Variants in TMTC2 observed in about 807,000 individuals in gnomAD.
TMTC2 encodes protein O-mannosyl-transferase TMTC2.
In TMTC2, 43 loss-of-function variants were observed where a neutral mutation model predicts 82.4. The ratio of observed to expected loss-of-function variants is 0.52; its 90% CI spans 0.41 to 0.67. The LOEUF is 0.67. Ranked by LOEUF, TMTC2 falls within the 30% of genes least tolerant of loss-of-function variation. TMTC2 has a pLI of 0.00. For missense variants in TMTC2, 919 were observed against 1,012.4 expected (o/e 0.91, Z 1.25); for synonymous variants, 408 against 381.9 (o/e 1.07, Z -0.80).
chr12:82,797,690 AT>A (rs1285975090), intron 1 of TMTC2, among the ~76,000 whole-genome samples: 1 of 152,224 alleles, frequency 6.6e-6, no homozygotes, highest in African/African-American at 2.4e-5. Context: ...CAAGCTTTGA[AT>A]TATCTGACAG....
At chr12:82,908,708 A>T (rs1592618960) in intron 3 of TMTC2, among the ~76,000 whole-genome samples, 1 of 152,110 alleles carries the variant, frequency 6.6e-6, no homozygotes, top group Non-Finnish European at 1.5e-5. Context: ...TCCCTCAAAG[A>T]TTTTATGTAA....
intron 2 of TMTC2, among the ~76,000 whole-genome samples, chr12:82,872,038 A>G (rs888698575): frequency 1.1e-5 from 1 of 89,408 alleles, no homozygotes; most frequent in African/African-American, 4.6e-5. Flanking sequence ...GCAGTTGCCT[A>G]GTATGCAGTA....
At chr12:82,879,967 G>T (rs1159558551) in intron 2 of TMTC2, among the ~76,000 whole-genome samples, 1 of 152,248 alleles carries the variant, frequency 6.6e-6, no homozygotes, top group Admixed American at 6.5e-5. Flanking sequence ...TGATGTAACA[G>T]GTGTTTAAAT....
chr12:82,794,362 GAAAAAAAGGGCC>G (rs1878616401), intron 1 of TMTC2, among the ~76,000 whole-genome samples: 1 of 151,936 alleles, frequency 6.6e-6, no homozygotes, highest in African/African-American at 2.4e-5. Flanking sequence ...AACTCACACA[GAAAAAAAGGGCC>G]TGTGTTGGGG....
At chr12:83,045,993 C>G (rs1245642490) in intron 9 of TMTC2, among the ~76,000 whole-genome samples, 2 of 152,144 alleles carry the variant, frequency 1.3e-5, no homozygotes, top group South Asian at 4.1e-4. Context: ...AAGCCTCACA[C>G]TTGCCTTTCA....
intron 9 of TMTC2, among the ~76,000 whole-genome samples, chr12:83,038,277 T>A (rs1042389945): frequency 5.3e-5 from 8 of 151,868 alleles, no homozygotes; most frequent in Non-Finnish European, 8.8e-5. Flanking sequence ...CCCTAAAACT[T>A]AAAGTATAAT....
chr12:82,854,619 C>A (rs1048609802), intron 1 of TMTC2, among the ~76,000 whole-genome samples: 2 of 151,964 alleles, frequency 1.3e-5, no homozygotes, highest in Non-Finnish European at 2.9e-5. Flanking sequence ...ACCACATGCC[C>A]AACTAAAAAT....
rs1878973815 is a variant in TMTC2 at position 82,982,628 on chromosome 12, T to G, written c.1949-3297T>G. Among the ~76,000 whole-genome samples the G allele has an allele frequency of 3.3e-5, 5 of 151,922 alleles. No homozygotes were observed. The South Asian group carries it at 1.0e-3, about 31-fold the overall frequency. ...GCAGTTTTAAAGGTCAGTCATAGAT[T>G]ACCATTGCTCTTCCTTATTCTCTTA... is the stretch of plus-strand genomic sequence containing the variant. On this transcript the variant is annotated intron_variant, in intron 7 of 11. Transcript: ENST00000321196.
At chr12:82,727,718 C>CAAAA (rs770172730) in intron 1 of TMTC2, among the ~76,000 whole-genome samples, 9 of 136,322 alleles carry the variant, frequency 6.6e-5, no homozygotes, top group South Asian at 2.4e-4. Context: ...GAGAGTGTCT[C>CAAAA]AAAAAAAAAA....
At chr12:83,026,212 A>G (rs12319533) in intron 8 of TMTC2, among the ~76,000 whole-genome samples, 16,412 of 152,116 alleles carry the variant, frequency 0.11, 1,432 homozygotes, top group East Asian at 0.29. Context: ...GCAATTTCAA[A>G]GAATTAGAAG....
chr12:82,742,198 G>T (rs911977567), intron 1 of TMTC2, among the ~76,000 whole-genome samples: 1 of 152,012 alleles, frequency 6.6e-6, no homozygotes, highest in Non-Finnish European at 1.5e-5. Flanking sequence ...ACCCTCCTGT[G>T]TCTGCATCCT....
chr12:82,853,166 G>A (rs538149961), intron 1 of TMTC2, among the ~76,000 whole-genome samples: 4 of 151,858 alleles, frequency 2.6e-5, no homozygotes, highest in East Asian at 1.9e-4. Flanking sequence ...GCAGTGGCGC[G>A]ATCTCGGCTC....
chr12:82,855,312 G>C (rs1244003538), intron 1 of TMTC2, among the ~76,000 whole-genome samples: 1 of 152,178 alleles, frequency 6.6e-6, no homozygotes, highest in African/African-American at 2.4e-5. Flanking sequence ...GAATGAAAGA[G>C]TTAGGACTCA....
intron 1 of TMTC2, among the ~76,000 whole-genome samples, chr12:82,727,209 T>C (rs777773395): frequency 5.2e-4 from 79 of 152,200 alleles, no homozygotes; most frequent in Admixed American, 1.3e-3. Context: ...CACCTCAGTA[T>C]AGAATCAGTC....
chr12:82,927,787 C>T (rs1875810010), intron 3 of TMTC2, among the ~76,000 whole-genome samples: 1 of 152,208 alleles, frequency 6.6e-6, no homozygotes, highest in Non-Finnish European at 1.5e-5. Context: ...GATTAAGACT[C>T]ACCAAGGGCT....
chr12:82,844,243 T>G (rs151309956), intron 1 of TMTC2, among the ~76,000 whole-genome samples: 2 of 152,178 alleles, frequency 1.3e-5, no homozygotes, highest in African/African-American at 4.8e-5. Context: ...TGAATTTTTT[T>G]AAAGTAATAC....
chr12:82,766,097 T>A (rs938445730), intron 1 of TMTC2, among the ~76,000 whole-genome samples: 4 of 152,166 alleles, frequency 2.6e-5, no homozygotes, highest in Middle Eastern at 3.2e-3. Context: ...CTGCTTTGGA[T>A]CCTAAAGGCT....
chr12:82,711,783 TAG>T (rs1347890899), intron 1 of TMTC2, among the ~76,000 whole-genome samples: 2 of 152,240 alleles, frequency 1.3e-5, no homozygotes, highest in African/African-American at 4.8e-5. Context: ...GCCTTCACTT[TAG>T]AGCTAGAATC....
intron 9 of TMTC2, among the ~76,000 whole-genome samples, chr12:83,033,475 G>A (rs4882539): frequency 0.55 from 83,112 of 152,040 alleles, 24,054 homozygotes; most frequent in South Asian, 0.65. Flanking sequence ...TTCTGAGTTC[G>A]GGCACGGCGG....
Sources: gnomAD v4.1 joint callset for allele counts (sites outside exome capture counted in the v4.1 genomes callset) on GRCh38, gnomAD v4.1.1 for gene constraint, MANE v1.5 for transcripts, NCBI Gene and HGNC (gene_info 2026-07-23, HGNC 2026-07-21) for gene names.